FILIP1: variants seen among roughly 807,000 people sequenced by gnomAD.
The protein encoded by FILIP1 is filamin A interacting protein 1.
FILIP1 carries 61 observed loss-of-function variants against 102.1 expected under a neutral mutation model. The observed-to-expected ratio is 0.60, with a 90% CI of 0.49 to 0.74. The LOEUF (loss-of-function observed/expected upper bound fraction) is 0.74. Ranked by LOEUF, FILIP1 falls within the 30% of genes least tolerant of loss-of-function variation. The pLI, the probability that FILIP1 is intolerant of heterozygous loss-of-function variation, is 0.00. For synonymous variants in FILIP1, 491 were observed against 526.9 expected (o/e 0.93, Z 0.93); for missense variants, 1,314 against 1,441.2 (o/e 0.91, Z 1.43).
intron 2 of FILIP1, among the ~76,000 whole-genome samples, chr6:75,410,683 A>G (rs577550148): frequency 6.6e-6 from 1 of 152,286 alleles, no homozygotes; most frequent in African/African-American, 2.4e-5. Flanking sequence ...TTTGCTGAGA[A>G]TGATGGTTTC....
At chr6:75,311,504 CTTGT>C (rs1285200213) in intron 5 of FILIP1, among the ~76,000 whole-genome samples, 202 of 146,060 alleles carry the variant, frequency 1.4e-3, no homozygotes, top group African/African-American at 5.0e-3. Context: ...TGTTTGTTTG[CTTGT>C]TTGTTTGAGA....
intron 2 of FILIP1, among the ~76,000 whole-genome samples, chr6:75,380,130 G>A (rs1409822621): frequency 6.6e-6 from 1 of 151,920 alleles, no homozygotes; most frequent in East Asian, 1.9e-4. Context: ...TCTGAATACA[G>A]GGAAGACGTT....
At chr6:75,449,801 G>A (rs1778561354) in intron 1 of FILIP1, among the ~76,000 whole-genome samples, 1 of 152,168 alleles carries the variant, frequency 6.6e-6, no homozygotes, top group South Asian at 2.1e-4. Flanking sequence ...GAGTGTTTAT[G>A]ACTCATTGAA....
At chr6:75,363,789 T>C (rs2149614246) in intron 2 of FILIP1, among the ~76,000 whole-genome samples, 1 of 152,334 alleles carries the variant, frequency 6.6e-6, no homozygotes, top group South Asian at 2.1e-4. Context: ...GAGCTATTTT[T>C]CCAGTAATGG....
intron 1 of FILIP1, chr6:75,454,008 T>C (rs552503129): frequency 2.2e-6 from 1 of 456,654 alleles, no homozygotes; most frequent in Non-Finnish European, 4.4e-6. Flanking sequence ...TAAAACAACA[T>C]CCATTTATTA....
At chr6:75,376,710 T>C (rs1454091370) in intron 2 of FILIP1, among the ~76,000 whole-genome samples, 1 of 152,226 alleles carries the variant, frequency 6.6e-6, no homozygotes, top group African/African-American at 2.4e-5. Context: ...AGACATTTTT[T>C]TCTCATCCCT....
chr6:75,359,661 T>A (rs1749982237), intron 3 of FILIP1, among the ~76,000 whole-genome samples: 1 of 152,206 alleles, frequency 6.6e-6, no homozygotes, highest in Admixed American at 6.5e-5. Flanking sequence ...ACAACTCAGC[T>A]GAGCCTTCCT....
chr6:75,413,471 A>T (rs1451761464), intron 2 of FILIP1, among the ~76,000 whole-genome samples: 3 of 152,090 alleles, frequency 2.0e-5, no homozygotes, highest in Non-Finnish European at 2.9e-5. Context: ...GGTAAGCTCA[A>T]TCATGTTTGT....
chr6:75,473,783 A>T (rs1039330175), intron 1 of FILIP1: 2 of 152,160 alleles, frequency 1.3e-5, no homozygotes, highest in Non-Finnish European at 2.9e-5. Flanking sequence ...AAATTATGCA[A>T]CTCAGTTTCC....
intron 1 of FILIP1, among the ~76,000 whole-genome samples, chr6:75,433,885 A>G (rs994522221): frequency 6.6e-6 from 1 of 152,136 alleles, no homozygotes; most frequent in Non-Finnish European, 1.5e-5. Flanking sequence ...AGGAAGGGAT[A>G]CAGTTTCAGC....
chr6:75,442,097 G>C (rs1562605480), intron 1 of FILIP1, among the ~76,000 whole-genome samples: 3 of 151,954 alleles, frequency 2.0e-5, no homozygotes, highest in Admixed American at 6.5e-5. Context: ...GGGCAGAGAC[G>C]CTCCTCACCT....
At chr6:75,312,033 A>C (rs1245895705) in intron 5 of FILIP1, among the ~76,000 whole-genome samples, 2 of 152,138 alleles carry the variant, frequency 1.3e-5, no homozygotes, top group Non-Finnish European at 2.9e-5. Flanking sequence ...TTCTTCCTCC[A>C]TATAGACCAT....
intron 3 of FILIP1, 89 bp from the exon 4 acceptor site, chr6:75,353,806 AT>A (rs1464052479): frequency 4.6e-6 from 6 of 1,317,166 alleles, no homozygotes; most frequent in Non-Finnish European, 6.2e-6. Context: ...CTAGTGACTT[AT>A]TACCTGAAAG....
intron 2 of FILIP1, chr6:75,386,363 T>C (rs749136485): frequency 2.0e-5 from 3 of 152,176 alleles, no homozygotes; most frequent in Non-Finnish European, 4.4e-5. Context: ...TAAATAATAT[T>C]ATGGGAATAT....
At chr6:75,363,095 CT>C (rs1775223349) in intron 2 of FILIP1, 178 bp from the exon 3 acceptor site, 1 of 531,342 alleles carries the variant, frequency 1.9e-6, no homozygotes, top group African/African-American at 1.9e-5. Context: ...CAAGCAGATA[CT>C]CTGCTTCAGG....
chr6:75,304,843 A>G (rs944816883), downstream of FILIP1, among the ~76,000 whole-genome samples: 10 of 152,248 alleles, frequency 6.6e-5, no homozygotes, highest in Non-Finnish European at 1.3e-4. Context: ...ATCTGTTTTC[A>G]TTGTCTTTTA....
At position 75,313,071 on chromosome 6, in the gene FILIP1, T is replaced by A; in HGVS notation, c.2761A>T (p.Ser921Cys). The A allele has an allele frequency of 6.2e-7, 1 of 1,614,226 alleles. No individual in the cohort carries two copies. The highest frequency in any genetic ancestry group is 8.5e-7 in the Non-Finnish European group (1 of 1,180,034). Residue 921 changes from serine to cysteine, a missense_variant, in exon 5 of 6, where the codon AGC becomes TGC. Coordinates refer to ENST00000237172, the MANE Select transcript of FILIP1 (RefSeq NM_015687.5). This position sits in a 1 kb window ranked among gnomAD's most constrained non-coding sequence, Gnocchi z 4.2. ...CTTGTTATCTCCAAAGTCGCAGTGCTGTTCTCGTGGTCTGGTGTCACTCGA... is the reference window on the plus strand; with the variant it reads ...CTTGTTATCTCCAAAGTCGCAGTGCAGTTCTCGTGGTCTGGTGTCACTCGA... ...HIRVTPDHEN[S>C]TATLEITSPT...
intron 1 of FILIP1, among the ~76,000 whole-genome samples, chr6:75,486,490 A>T (rs1312953677): frequency 6.6e-6 from 1 of 152,128 alleles, no homozygotes; most frequent in Non-Finnish European, 1.5e-5. Flanking sequence ...TTAATACTAT[A>T]GGGGCAGCTG....
At chr6:75,310,035 G>A (rs973168795) in intron 5 of FILIP1, among the ~76,000 whole-genome samples, 3 of 152,190 alleles carry the variant, frequency 2.0e-5, no homozygotes, top group Non-Finnish European at 4.4e-5. Flanking sequence ...AATGAGACAT[G>A]TATGTGCCTC....
Sources: gnomAD v4.1 joint callset for allele counts (sites outside exome capture counted in the v4.1 genomes callset) on GRCh38, gnomAD v4.1.1 for gene constraint, Gnocchi (gnomAD v3.1) non-coding constraint, MANE v1.5 for transcripts, NCBI Gene and HGNC (gene_info 2026-07-23, HGNC 2026-07-21) for gene names.